LAMA2: variants seen among roughly 807,000 people sequenced by gnomAD.
LAMA2 encodes the protein laminin subunit alpha-2.
LAMA2 carries 269 observed loss-of-function variants against 364.8 expected under a neutral mutation model. The ratio of observed to expected loss-of-function variants is 0.74; its 90% CI spans 0.67 to 0.82. The LOEUF (loss-of-function observed/expected upper bound fraction) is 0.82. LAMA2 is among the 40% of genes least tolerant of loss of function. The pLI, the probability that LAMA2 is intolerant of heterozygous loss-of-function variation, is 0.00. For synonymous variants in LAMA2, 1,379 were observed against 1,370.6 expected (o/e 1.01, Z -0.14); for missense variants, 3,807 against 3,873.2 (o/e 0.98, Z 0.45).
intron 34 of LAMA2, among the ~76,000 whole-genome samples, chr6:129,373,254 G>A (rs772799915): frequency 2.0e-5 from 3 of 152,058 alleles, no homozygotes; most frequent in Non-Finnish European, 2.9e-5. Flanking sequence ...TTCTAGGAGC[G>A]TTACAGTTTT....
chr6:129,445,714 C>T lies in LAMA2; in HGVS notation c.6322C>T (p.Arg2108Trp), dbSNP rs139824017. ...TVKNLEQEAD[R>W]LIDKLKPIKE... The stretch of plus-strand genomic sequence containing the variant: ...CAAAAATTTAGAACAGGAAGCTGAC[C>T]GGCTAATAGATAAACTCAAACCCAT... The change falls in exon 45 of 65, where the codon CGG (arginine) becomes TGG (tryptophan). Residue 2108 changes from arginine (R) to tryptophan (W), a missense_variant. Arg to Trp is a moderately radical substitution (Grantham distance 101, BLOSUM62 -3). Transcript: ENST00000421865. 7.6e-5 allele frequency: 123 copies of T among 1,613,668 alleles called. No homozygotes were observed. Among genetic ancestry groups the T allele is most frequent in the South Asian group, 3.6e-4 (33 of 91,070 alleles).
chr6:128,949,303 G>A (rs1046385171), intron 1 of LAMA2, among the ~76,000 whole-genome samples: 9 of 152,114 alleles, frequency 5.9e-5, no homozygotes, highest in Admixed American at 3.9e-4. Context: ...TTTAACCAAG[G>A]GCCAAATAAT....
At chr6:129,336,900 A>G (rs1348456168) in intron 29 of LAMA2, among the ~76,000 whole-genome samples, 1 of 152,250 alleles carries the variant, frequency 6.6e-6, no homozygotes, top group African/African-American at 2.4e-5. Context: ...TATTCAGATA[A>G]TATAAAGCTG....
chr6:128,961,466 G>C lies in LAMA2; in HGVS notation c.112+78109G>C, dbSNP rs184517907. 5.0e-4 allele frequency among the ~76,000 whole-genome samples: 74 copies of C among 146,980 alleles called. 2 individuals are homozygous for C. The highest frequency in any genetic ancestry group is 1.8e-3 in the African/African-American group (70 of 38,960). The stretch of plus-strand genomic sequence containing the variant: ...TAAGTGTTAACTTACTCGATCACAA[G>C]GTCCCACAATAGGCTGTCTGCAAGC... On this transcript the variant is annotated intron_variant, in intron 1 of 64. Transcript: ENST00000421865.
At chr6:128,976,858 T>C (rs1782560537) in intron 1 of LAMA2, among the ~76,000 whole-genome samples, 1 of 152,202 alleles carries the variant, frequency 6.6e-6, no homozygotes, top group Non-Finnish European at 1.5e-5. Context: ...AAATGATTTA[T>C]ACAGTAGTCT....
At chr6:129,200,573 G>T (rs1009353400) in intron 12 of LAMA2, among the ~76,000 whole-genome samples, 2 of 151,646 alleles carry the variant, frequency 1.3e-5, no homozygotes, top group African/African-American at 4.8e-5. Context: ...AATTCTAAAG[G>T]AAAGAAGTGG....
At position 129,267,225 on chromosome 6, in the gene LAMA2, T is replaced by C. The variant is rs747030892; in HGVS notation, c.2322+6T>C. 3.8e-6 allele frequency: 6 copies of C among 1,568,312 alleles called. No homozygotes were observed. The South Asian group carries it at 5.5e-5, about 14-fold the overall frequency. ...ACGTCACTGGAGAATGCCTGGTAAG[T>C]GCTCTCTTCTTTGGGGATGCTGATT... On this transcript the variant is annotated splice_donor_region_variant and intron_variant, in intron 16 of 64. Coordinates refer to ENST00000421865, the MANE Select transcript of LAMA2 (RefSeq NM_000426.4).
intron 15 of LAMA2, among the ~76,000 whole-genome samples, chr6:129,262,183 A>G (rs1405611410): frequency 2.0e-5 from 3 of 152,092 alleles, no homozygotes; most frequent in Admixed American, 6.6e-5. Flanking sequence ...CTCTCCTTCA[A>G]AAATATTTTC....
Position 129,453,138 on chromosome 6 carries a change from C to A in LAMA2, c.6573+7C>A. ...TCTTGGAAGTGCCAAATTTGTAAGT[C>A]TAATATTCAACTTTTCATTAGGCTG... On this transcript the variant is annotated splice_region_variant and intron_variant, in intron 46 of 64. Transcript: ENST00000421865. 1.2e-6 allele frequency: 2 copies of A among 1,610,728 alleles called. No individual in the cohort carries two copies. The highest frequency in any genetic ancestry group is 2.2e-5 in the South Asian group (2 of 90,976).
chr6:129,317,429 AGCAGAAAACCTTTTATTTCAT>A (rs1774681312), intron 27 of LAMA2, among the ~76,000 whole-genome samples: 1 of 152,210 alleles, frequency 6.6e-6, no homozygotes, highest in Admixed American at 6.5e-5. Context: ...CACACAAGAC[AGCAGAAAACCTTTTATTTCAT>A]GCAGAAGATC....
chr6:129,169,890 G>A (rs1313534709), intron 9 of LAMA2, among the ~76,000 whole-genome samples: 1 of 146,322 alleles, frequency 6.8e-6, no homozygotes, highest in African/African-American at 2.6e-5. Flanking sequence ...TTTAGTCTTG[G>A]GAGAGTGTAT....
At chr6:128,896,169 A>G (rs1041175246) in intron 1 of LAMA2, among the ~76,000 whole-genome samples, 2 of 152,150 alleles carry the variant, frequency 1.3e-5, no homozygotes, top group African/African-American at 4.8e-5. Context: ...ACTTTTTAGT[A>G]TCACTATTTA....
chr6:128,970,146 A>T (rs1582794409), intron 1 of LAMA2, among the ~76,000 whole-genome samples: 2 of 152,216 alleles, frequency 1.3e-5, no homozygotes, highest in African/African-American at 4.8e-5. Flanking sequence ...TGAATTACCC[A>T]GTTTAATTCT....
chr6:129,418,582 C>A (rs377574411), intron 40 of LAMA2, among the ~76,000 whole-genome samples: 5 of 151,940 alleles, frequency 3.3e-5, no homozygotes, highest in Non-Finnish European at 7.4e-5. Context: ...TATCAGTGAA[C>A]GTGATGTCAT....
intron 1 of LAMA2, among the ~76,000 whole-genome samples, chr6:128,996,893 T>C (rs1783979293): frequency 1.3e-5 from 2 of 152,112 alleles, no homozygotes; most frequent in African/African-American, 4.8e-5. Flanking sequence ...CTATCAATGA[T>C]AGACTGGATA....
At chr6:129,169,198 G>A (rs892320434) in intron 9 of LAMA2, among the ~76,000 whole-genome samples, 4 of 149,668 alleles carry the variant, frequency 2.7e-5, no homozygotes, top group East Asian at 1.9e-4. Context: ...CCAACACTAT[G>A]TTGAATAGGA....
At chr6:129,078,213 C>T (rs1773786260) in intron 3 of LAMA2, among the ~76,000 whole-genome samples, 1 of 151,802 alleles carries the variant, frequency 6.6e-6, no homozygotes. Context: ...CGGCTCACTG[C>T]AGCCTCCGCC....
chr6:129,340,548 A>G (rs906977784), intron 29 of LAMA2, among the ~76,000 whole-genome samples: 1 of 152,142 alleles, frequency 6.6e-6, no homozygotes, highest in Admixed American at 6.5e-5. Flanking sequence ...CTCTTAAAGT[A>G]GGGTAAGGTG....
At position 129,050,039 on chromosome 6, in the gene LAMA2, G is replaced by A; in HGVS notation, c.234G>A (p.Val78=). 6.2e-7 allele frequency: 1 copy of A among 1,614,064 alleles called. No individual in the cohort carries two copies. Among genetic ancestry groups the A allele is most frequent in the East Asian group, 2.2e-5 (1 of 44,894 alleles). The change falls in exon 2 of 65, where the codon GTG becomes GTA. Residue 78 remains valine, a synonymous_variant. Transcript: ENST00000421865. ...KLVEHVPGQP[V]RNPQCRICNQ... ...TAGAACATGTCCCTGGGCAGCCTGT[G>A]AGGAACCCGCAGTGTCGAATCTGCA...
Sources: allele counts gnomAD v4.1 joint callset (sites outside exome capture counted in the v4.1 genomes callset), GRCh38; gene constraint gnomAD v4.1.1; transcripts MANE v1.5; gene names NCBI Gene and HGNC (gene_info 2026-07-23, HGNC 2026-07-21).